Variants in AOPEP observed in about 807,000 individuals in gnomAD.
AOPEP encodes the protein aminopeptidase O.
A neutral mutation model predicts 98.1 loss-of-function variants in AOPEP; 77 were observed. The ratio of observed to expected loss-of-function variants is 0.78; its 90% CI spans 0.65 to 0.95. The LOEUF is 0.95. AOPEP is among the 40% of genes least tolerant of loss of function. AOPEP has a pLI of 0.00. For synonymous variants in AOPEP, 346 were observed against 365.3 expected (o/e 0.95, Z 0.60); for missense variants, 1,024 against 1,024.7 (o/e 1.00, Z 0.01).
chr9:94,819,417 C>G (rs1001144061), intron 5 of AOPEP, among the ~76,000 whole-genome samples: 1 of 152,164 alleles, frequency 6.6e-6, no homozygotes. Flanking sequence ...AACTCCTGCC[C>G]GCCACTCTTC....
chr9:94,878,265 A>G (rs74493952), intron 5 of AOPEP, among the ~76,000 whole-genome samples: 3,271 of 148,436 alleles, frequency 0.022, 133 homozygotes, highest in African/African-American at 0.078. Context: ...GATGCTGTCC[A>G]CTTTCGGGGA....
At chr9:94,849,499 TTTCTTTC>T (rs1370565651) in intron 5 of AOPEP, among the ~76,000 whole-genome samples, 8 of 72,666 alleles carry the variant, frequency 1.1e-4, no homozygotes, top group African/African-American at 4.0e-4. Flanking sequence ...TTTTTCTTTC[TTTCTTTC>T]TTTTTTTTTT....
chr9:94,849,230 T>TA (rs1285519082), intron 5 of AOPEP, among the ~76,000 whole-genome samples: 2 of 152,240 alleles, frequency 1.3e-5, no homozygotes, highest in Admixed American at 1.3e-4. Context: ...GTTTGTCCTT[T>TA]AAAAACAAAC....
chr9:94,868,683 T>C (rs1483291184), intron 5 of AOPEP, among the ~76,000 whole-genome samples: 1 of 152,120 alleles, frequency 6.6e-6, no homozygotes, highest in Admixed American at 6.6e-5. Context: ...TTAAACCAAG[T>C]GTGGGATGAG....
intron 7 of AOPEP, among the ~76,000 whole-genome samples, chr9:94,949,081 C>G (rs1194804195): frequency 2.6e-5 from 4 of 152,200 alleles, no homozygotes; most frequent in Admixed American, 2.0e-4. Context: ...TTCTCTGTCT[C>G]TTTTGAGAAT....
chr9:94,928,361 G>A (rs746825710), intron 6 of AOPEP, 64 bp from the exon 7 acceptor site: 113 of 1,190,064 alleles, frequency 9.5e-5, no homozygotes, highest in Non-Finnish European at 1.2e-4. Context: ...GTGAGCCATT[G>A]CACCAGGACC....
intron 7 of AOPEP, among the ~76,000 whole-genome samples, chr9:94,950,170 T>C (rs776003486): frequency 2.0e-5 from 3 of 152,206 alleles, no homozygotes; most frequent in Non-Finnish European, 4.4e-5. Flanking sequence ...CATGACAGCA[T>C]CTCACATGCG....
At chr9:94,749,117 A>G (rs986136442) in intron 1 of AOPEP, among the ~76,000 whole-genome samples, 6 of 152,232 alleles carry the variant, frequency 3.9e-5, no homozygotes, top group African/African-American at 1.4e-4. Context: ...TGTTCAACCA[A>G]TTTAAACAAA....
intron 4 of AOPEP, among the ~76,000 whole-genome samples, chr9:94,799,237 T>C (rs1034968256): frequency 6.6e-6 from 1 of 152,222 alleles, no homozygotes; most frequent in Admixed American, 6.5e-5. Context: ...TTTTCATTAT[T>C]CACTGTGAAT....
chr9:95,045,431 C>T (rs1022041567), intron 13 of AOPEP, among the ~76,000 whole-genome samples: 14 of 152,264 alleles, frequency 9.2e-5, no homozygotes, highest in Non-Finnish European at 1.6e-4. Context: ...TTGTTAAAAC[C>T]TCCTTGTGTT....
chr9:95,057,490 A>G (rs562256450), intron 13 of AOPEP, among the ~76,000 whole-genome samples: 1 of 152,354 alleles, frequency 6.6e-6, no homozygotes, highest in East Asian at 1.9e-4. Context: ...GGTTTATTAC[A>G]TGACCACTGC....
downstream of AOPEP, among the ~76,000 whole-genome samples, chr9:95,087,970 G>A (rs1431980048): frequency 6.6e-6 from 1 of 152,158 alleles, no homozygotes; most frequent in African/African-American, 2.4e-5. Context: ...TAGAAGCTCT[G>A]GACTGGGAGG....
At position 95,086,954 on chromosome 9, in the gene AOPEP, G is replaced by C. The variant is rs73654513; in HGVS notation, c.*277G>C. On this transcript the variant is annotated 3_prime_UTR_variant, in exon 17 of 17. Coordinates refer to ENST00000375315, the MANE Select transcript of AOPEP (RefSeq NM_001193329.3). ...CTCTGAGATTTTGAGTTCTTCTGCA[G>C]AGATGATTAAATATATCCAAGAGAC... 3,441 of 987,662 alleles carry C rather than the reference G, an allele frequency of 3.5e-3. 95 individuals carry two copies. In the African/African-American group the frequency reaches 0.056, roughly 16 times the overall value. 61.2% of individuals were successfully genotyped at this position (987,662 alleles called of 1,614,324 possible). A position where few individuals can be genotyped will look rare whatever the true frequency, so the allele number is the denominator to read the frequency against.
At chr9:95,018,691 A>G (rs62579892) in intron 13 of AOPEP, among the ~76,000 whole-genome samples, 4,509 of 152,288 alleles carry the variant, frequency 0.03, 118 homozygotes, top group Non-Finnish European at 0.041. Flanking sequence ...CTGCAGAAGA[A>G]TGCTAGTGTT....
chr9:95,070,220 C>T, intron 14 of AOPEP, among the ~76,000 whole-genome samples: 1 of 152,238 alleles, frequency 6.6e-6, no homozygotes, highest in East Asian at 1.9e-4. Context: ...CCTTACCAGC[C>T]AGTCAGCCCA....
At chr9:95,069,326 G>A (rs188086073) in intron 14 of AOPEP, among the ~76,000 whole-genome samples, 146 of 152,342 alleles carry the variant, frequency 9.6e-4, no homozygotes, top group Non-Finnish European at 1.8e-3. Context: ...ATTAGAGGAG[G>A]TAACGATGGT....
At chr9:94,880,318 T>A (rs2047423280) in intron 5 of AOPEP, among the ~76,000 whole-genome samples, 1 of 152,082 alleles carries the variant, frequency 6.6e-6, no homozygotes, top group African/African-American at 2.4e-5. Context: ...ATAATGTAAT[T>A]TTTATTATGC....
At chr9:95,117,142 ACT>A in the AOPEP span, among the ~76,000 whole-genome samples, 1 of 151,952 alleles carries the variant, frequency 6.6e-6, no homozygotes. Context: ...AGCCAAGCAG[ACT>A]CTCATATCAA....
intron 5 of AOPEP, among the ~76,000 whole-genome samples, chr9:94,896,910 GTTT>G (rs55947017): frequency 8.6e-5 from 10 of 115,874 alleles, no homozygotes; most frequent in South Asian, 2.8e-4. Flanking sequence ...ACTTTTGTGG[GTTT>G]TTTTTTTTTT....
Sources: allele counts gnomAD v4.1 joint callset (sites outside exome capture counted in the v4.1 genomes callset), GRCh38; gene constraint gnomAD v4.1.1; transcripts MANE v1.5; gene names NCBI Gene and HGNC (gene_info 2026-07-23, HGNC 2026-07-21).